Variants in AP2B1 observed in about 807,000 individuals in gnomAD.
AP2B1 encodes the protein adaptor related protein complex 2 subunit beta 1, also known as AP-2 complex subunit beta.
In AP2B1, 23 loss-of-function variants were observed where a neutral mutation model predicts 102.0. That is an observed-to-expected ratio of 0.23 (90% CI 0.16 to 0.32). The LOEUF is 0.32. Ranked by LOEUF, AP2B1 falls within the 10% of genes least tolerant of loss-of-function variation. The probability of loss-of-function intolerance (pLI) is 1.00; values close to 1 mark genes in which losing one functional copy is unlikely to be tolerated. For missense variants in AP2B1, 541 were observed against 1,157.4 expected, an observed-to-expected ratio of 0.47 and a Z score of 7.73; for synonymous variants, 381 against 421.2, an observed-to-expected ratio of 0.90 and a Z score of 1.17.
At chr17:35,709,101 G>A (rs1555586156) in intron 18 of AP2B1, 123 bp from the exon 19 acceptor site, 63 of 778,302 alleles carry the variant, frequency 8.1e-5, no homozygotes. Context: ...TTGATTTGGG[G>A]AGACCTGCAC....
intron 14 of AP2B1, among the ~76,000 whole-genome samples, 195 bp from the exon 15 acceptor site, chr17:35,670,662 C>T (rs1347686555): frequency 6.6e-6 from 1 of 152,174 alleles, no homozygotes; most frequent in East Asian, 1.9e-4. Context: ...AACTGATACA[C>T]CATCACTACC....
At chr17:35,611,280 G>A (rs141122202) in intron 5 of AP2B1, among the ~76,000 whole-genome samples, 7 of 152,264 alleles carry the variant, frequency 4.6e-5, no homozygotes, top group Non-Finnish European at 8.8e-5. Flanking sequence ...CATGTACCCC[G>A]TGGAAACTTA....
chr17:35,649,161 T>C (rs1354923800), intron 12 of AP2B1, among the ~76,000 whole-genome samples: 1 of 152,152 alleles, frequency 6.6e-6, no homozygotes, highest in Non-Finnish European at 1.5e-5. Flanking sequence ...AGTGTCTCAA[T>C]AGGAGATACT....
At chr17:35,619,932 G>A (rs1448850162) in intron 5 of AP2B1, among the ~76,000 whole-genome samples, 3 of 151,976 alleles carry the variant, frequency 2.0e-5, no homozygotes, top group Non-Finnish European at 4.4e-5. Context: ...TTACAGGTAT[G>A]CACCACCATG....
intron 18 of AP2B1, among the ~76,000 whole-genome samples, chr17:35,701,412 A>AAAAGGTAAAGAGAG (rs2076236424): frequency 6.6e-6 from 1 of 152,218 alleles, no homozygotes; most frequent in African/African-American, 2.4e-5. Flanking sequence ...AACACATATT[A>AAAAGGTAAAGAGAG]AAACATATAT....
intron 16 of AP2B1, 86 bp downstream of exon 16, chr17:35,671,986 G>A: frequency 2.7e-6 from 4 of 1,471,080 alleles, no homozygotes; most frequent in Non-Finnish European, 3.7e-6. Context: ...ACTTCTACTG[G>A]TAATAAATCA....
chr17:35,659,273 T>C (rs1258245036), intron 14 of AP2B1, among the ~76,000 whole-genome samples: 1 of 152,184 alleles, frequency 6.6e-6, no homozygotes, highest in East Asian at 1.9e-4. Flanking sequence ...GTGGGGAAGC[T>C]TAGTAAAGGT....
intron 9 of AP2B1, among the ~76,000 whole-genome samples, chr17:35,628,699 A>C (rs777300366): frequency 6.6e-6 from 1 of 152,234 alleles, no homozygotes; most frequent in African/African-American, 2.4e-5. Flanking sequence ...ACTATCTGCT[A>C]TAAGAAGTTT....
At chr17:35,698,587 A>G (rs1044807158) in intron 18 of AP2B1, among the ~76,000 whole-genome samples, 60 of 152,308 alleles carry the variant, frequency 3.9e-4, no homozygotes, top group Admixed American at 1.3e-4. Flanking sequence ...TGCTGGGATC[A>G]CAGACAGGTG....
chr17:35,621,922 C>T (rs2074190315), intron 5 of AP2B1, among the ~76,000 whole-genome samples: 1 of 152,110 alleles, frequency 6.6e-6, no homozygotes, highest in African/African-American at 2.4e-5. Context: ...TTATTTCAGA[C>T]AACTGGTAAC....
At chr17:35,666,419 C>T (rs963708930) in intron 14 of AP2B1, among the ~76,000 whole-genome samples, 1 of 152,142 alleles carries the variant, frequency 6.6e-6, no homozygotes, top group African/African-American at 2.4e-5. Context: ...GGGGACTACA[C>T]CACTAGCAGA....
chr17:35,674,143 T>C (rs1315910767), intron 16 of AP2B1, 33 bp from the exon 17 acceptor site: 1 of 1,589,788 alleles, frequency 6.3e-7, no homozygotes, highest in East Asian at 2.2e-5. Flanking sequence ...ATAAATCTTG[T>C]CTGATTCTAT....
At chr17:35,647,365 G>A (rs921560676) in intron 12 of AP2B1, among the ~76,000 whole-genome samples, 4 of 151,934 alleles carry the variant, frequency 2.6e-5, no homozygotes, top group African/African-American at 9.7e-5. Flanking sequence ...TAAACACTTA[G>A]GAGCAAATTA....
At chr17:35,597,391 G>A (rs1420523735) in intron 2 of AP2B1, among the ~76,000 whole-genome samples, 1 of 152,136 alleles carries the variant, frequency 6.6e-6, no homozygotes, top group Non-Finnish European at 1.5e-5. Context: ...TGGAGACCAG[G>A]CCTTAAAATA....
In AP2B1 at chr17:35,689,017, A is replaced by G. The variant is rs587708767; in HGVS notation, c.2454+6193A>G. On this transcript the variant is annotated intron_variant, in intron 18 of 21. Coordinates refer to ENST00000610402, the MANE Select transcript of AP2B1 (RefSeq NM_001030006.2). ...TTTTATGAAACATTTTTAACATTGC[A>G]GAAGTAAACAGAATAGTATAACGAG... Among the ~76,000 whole-genome samples the G allele has an allele frequency of 3.3e-5, 5 of 152,342 alleles. 1 individual carries two copies. The East Asian group carries it at 9.6e-4, about 29-fold the overall frequency.
chr17:35,659,955 G>GT (rs2075321028), intron 14 of AP2B1: 1 of 985,292 alleles, frequency 1.0e-6, no homozygotes, highest in South Asian at 4.7e-5. Flanking sequence ...ATTTGCCTGT[G>GT]TGGAAGAAGA....
chr17:35,660,578 G>A (rs2075337428), intron 14 of AP2B1, among the ~76,000 whole-genome samples: 1 of 150,912 alleles, frequency 6.6e-6, no homozygotes, highest in African/African-American at 2.4e-5. Context: ...CACCTCCCAG[G>A]TTCAAGCGAT....
intron 18 of AP2B1, among the ~76,000 whole-genome samples, chr17:35,687,097 C>T (rs952675179): frequency 2.6e-5 from 4 of 152,088 alleles, no homozygotes; most frequent in African/African-American, 9.7e-5. Flanking sequence ...ATAACATGCT[C>T]ATATTGGGAC....
At chr17:35,674,754 G>A (rs770929825) in intron 17 of AP2B1, among the ~76,000 whole-genome samples, 1 of 152,196 alleles carries the variant, frequency 6.6e-6, no homozygotes, top group Non-Finnish European at 1.5e-5. Context: ...TGTAGAGTGA[G>A]CCCTGGCTCT....
Sources: allele counts gnomAD v4.1 joint callset (sites outside exome capture counted in the v4.1 genomes callset), GRCh38; gene constraint gnomAD v4.1.1; transcripts MANE v1.5; gene names NCBI Gene and HGNC (gene_info 2026-07-23, HGNC 2026-07-21).